Variants in NCOR2 observed in about 807,000 individuals in gnomAD.
NCOR2 encodes the protein nuclear receptor corepressor 2.
In NCOR2, 81 loss-of-function variants were observed where a neutral mutation model predicts 262.9. That is an observed-to-expected ratio of 0.31 (90% confidence interval 0.26 to 0.37). The LOEUF is 0.37. Among genes scored for constraint, NCOR2 ranks in the 10% least tolerant of loss-of-function variants. The probability of loss-of-function intolerance (pLI) is 1.00; values close to 1 mark genes in which losing one functional copy is unlikely to be tolerated. For missense variants in NCOR2, 3,385 were observed against 3,621.4 expected (o/e 0.93, Z 1.68); for synonymous variants, 1,659 against 1,559.3 (o/e 1.06, Z -1.51).
rs373730483 is a variant in NCOR2, at chr12:124,508,406, C to T, written c.-117-13038G>A. On this transcript the variant is annotated intron_variant, in intron 1 of 46. Transcript: ENST00000404621. ...ATGCTTCAGCGCCCAGGAGTGGCGA[C>T]GGCTGAAGCTAAGCGTCTACCTGGG... Among the ~76,000 whole-genome samples, 111 of 152,230 alleles carry T rather than the reference C, an allele frequency of 7.3e-4. 1 individual carries two copies. The highest frequency in any genetic ancestry group is 6.3e-4 in the Non-Finnish European group (43 of 68,046).
chr12:124,411,080 AGGG>A (rs2042556515), intron 13 of NCOR2, among the ~76,000 whole-genome samples: 1 of 63,498 alleles, frequency 1.6e-5, no homozygotes, highest in Non-Finnish European at 3.9e-5. Flanking sequence ...GAGAGAGAGA[AGGG>A]GAGAGAGAGA....
chr12:124,360,864 G>A (rs929879561), intron 22 of NCOR2, among the ~76,000 whole-genome samples: 7 of 151,492 alleles, frequency 4.6e-5, no homozygotes, highest in East Asian at 1.9e-4. Flanking sequence ...GTGGATGAAC[G>A]ACTCTAAAAC....
At chr12:124,345,817 C>T (rs1280241274) in intron 31 of NCOR2, among the ~76,000 whole-genome samples, 2 of 152,192 alleles carry the variant, frequency 1.3e-5, no homozygotes, top group South Asian at 2.1e-4. Context: ...GGGACACCCA[C>T]CCCAGTCCTT....
At chr12:124,465,393 C>T (rs953507401) in intron 5 of NCOR2, among the ~76,000 whole-genome samples, 8 of 152,226 alleles carry the variant, frequency 5.3e-5, no homozygotes, top group African/African-American at 1.4e-4. Context: ...AGCTTACCAC[C>T]TCACCAGACA....
At chr12:124,427,028 T>G (rs2043590489) in intron 10 of NCOR2, among the ~76,000 whole-genome samples, 2 of 152,176 alleles carry the variant, frequency 1.3e-5, no homozygotes, top group Admixed American at 1.3e-4. Context: ...GGACTGTAGA[T>G]TCAATGCAGA....
At chr12:124,367,095 G>A (rs538795453) in intron 20 of NCOR2, among the ~76,000 whole-genome samples, 82 of 152,234 alleles carry the variant, frequency 5.4e-4, no homozygotes, top group African/African-American at 1.6e-3. Flanking sequence ...AAAACATGAG[G>A]TGCCACTGTC....
intron 31 of NCOR2, among the ~76,000 whole-genome samples, chr12:124,345,934 C>T (rs898829446): frequency 6.6e-5 from 10 of 152,166 alleles, no homozygotes; most frequent in Admixed American, 3.3e-4. Context: ...GGCTTTCCAC[C>T]GAACAGCTCC....
intron 5 of NCOR2, among the ~76,000 whole-genome samples, chr12:124,459,770 T>C (rs986118852): frequency 2.1e-4 from 32 of 152,072 alleles, no homozygotes; most frequent in African/African-American, 7.2e-4. Flanking sequence ...ATGCCAAAAA[T>C]TCCCCCTCAC....
intron 16 of NCOR2, among the ~76,000 whole-genome samples, chr12:124,394,675 C>T (rs749529752): frequency 2.0e-5 from 3 of 152,186 alleles, no homozygotes; most frequent in South Asian, 2.1e-4. Flanking sequence ...TGCAGGCAGG[C>T]GCCAGGGGCT....
chr12:124,546,799 C>T (rs1384008418), intron 1 of NCOR2, among the ~76,000 whole-genome samples: 1 of 152,054 alleles, frequency 6.6e-6, no homozygotes, highest in Non-Finnish European at 1.5e-5. Context: ...GGACATGACC[C>T]CTCCCTCTGC....
intron 1 of NCOR2, among the ~76,000 whole-genome samples, chr12:124,552,557 C>A (rs2051746111): frequency 6.6e-6 from 1 of 152,242 alleles, no homozygotes; most frequent in African/African-American, 2.4e-5. Flanking sequence ...ATGACCACAT[C>A]ACCCACGGCC....
chr12:124,490,747 C>T (rs1435845414), intron 1 of NCOR2, among the ~76,000 whole-genome samples: 2 of 152,222 alleles, frequency 1.3e-5, no homozygotes, highest in African/African-American at 2.4e-5. Context: ...GAGCCTTAGC[C>T]CAGGGCAGTA....
rs375305934 is a variant in NCOR2, at chr12:124,378,331, G to A, written c.2073C>T (p.Ser691=). 1.1e-5 allele frequency: 18 copies of A among 1,613,750 alleles called. No homozygotes were observed. The highest frequency in any genetic ancestry group is 2.7e-5 in the African/African-American group (2 of 74,928). ...CCACGGGCGGGAATGCAGCCTCCTC[G>A]CTGGCCGCCGCCGGCGCTTTCTTCT... The change falls in exon 18 of 47, where the codon AGC becomes AGT. Residue 691 remains serine (S), a synonymous_variant. Coordinates refer to ENST00000405201, the Ensembl canonical transcript of NCOR2. The surrounding 1 kb of genome is among the most constrained non-coding windows in gnomAD (Gnocchi z 4.2).
chr12:124,421,657 G>C (rs2043209457), intron 12 of NCOR2, among the ~76,000 whole-genome samples: 1 of 152,228 alleles, frequency 6.6e-6, no homozygotes. Flanking sequence ...AGCTGGGGTG[G>C]GCAGGTCCCC....
At chr12:124,416,553 C>A (rs2042869554) in intron 13 of NCOR2, among the ~76,000 whole-genome samples, 1 of 147,450 alleles carries the variant, frequency 6.8e-6, no homozygotes. Context: ...CACAGGGAGA[C>A]CCGCGGCACA....
At chr12:124,421,892 G>T (rs148753657) in intron 12 of NCOR2, among the ~76,000 whole-genome samples, 121 of 152,324 alleles carry the variant, frequency 7.9e-4, no homozygotes, top group African/African-American at 2.8e-3. Context: ...GTGTCTACCG[G>T]CCACCTGGAG....
At chr12:124,519,089 T>TACACACACAC (rs57438929) in intron 1 of NCOR2, among the ~76,000 whole-genome samples, 15 of 97,302 alleles carry the variant, frequency 1.5e-4, no homozygotes, top group African/African-American at 4.2e-4. Context: ...GGCCAAATAA[T>TACACACACAC]ACACACACAC....
chr12:124,362,882 G>T (rs907094012), intron 21 of NCOR2, among the ~76,000 whole-genome samples: 2 of 149,028 alleles, frequency 1.3e-5, no homozygotes, highest in Admixed American at 1.3e-4. Flanking sequence ...CTCCTAAAAA[G>T]CCTGGTCCAG....
At chr12:124,356,678 C>T in exon 23 of NCOR2, 1 of 1,469,248 alleles carries the variant, frequency 6.8e-7, no homozygotes, top group South Asian at 1.5e-5. Flanking sequence ...GGGTCCGGGG[C>T]ATGCGGGGAG....
Sources: allele counts gnomAD v4.1 joint callset (sites outside exome capture counted in the v4.1 genomes callset), GRCh38; gene constraint gnomAD v4.1.1; non-coding constraint Gnocchi (gnomAD v3.1); transcripts MANE v1.5; gene names NCBI Gene and HGNC (gene_info 2026-07-23, HGNC 2026-07-21).